Variants in NLGN4X observed in about 807,000 individuals in gnomAD.
The protein encoded by NLGN4X is neuroligin 4 X-linked, also known as neuroligin-4, X-linked.
NLGN4X carries 3 observed loss-of-function variants against 40.3 expected under a neutral mutation model. That is an observed-to-expected ratio of 0.07 (90% CI 0.03 to 0.19). NLGN4X has a LOEUF of 0.19. Ranked by LOEUF, NLGN4X falls within the 10% of genes least tolerant of loss-of-function variation. NLGN4X has a pLI of 1.00. For missense variants in NLGN4X, 382 were observed against 708.3 expected, an observed-to-expected ratio of 0.54 and a Z score of 5.23; for synonymous variants, 270 against 306.8, an observed-to-expected ratio of 0.88 and a Z score of 1.25.
intron 1 of NLGN4X, among the ~76,000 whole-genome samples, chrX:6,172,454 A>G (rs1354115964): frequency 2.7e-5 from 3 of 111,928 alleles, no homozygotes. Context: ...TCTCTCTCTC[A>G]TTAAAGTTTT....
intron 2 of NLGN4X, among the ~76,000 whole-genome samples, chrX:6,109,908 G>A (rs941328592): frequency 6.3e-5 from 7 of 111,110 alleles, no homozygotes; most frequent in Non-Finnish European, 1.3e-4. Context: ...GGGCTCAAAG[G>A]GAGGGTTTCA....
intron 3 of NLGN4X, among the ~76,000 whole-genome samples, chrX:6,001,607 T>C (rs181125092): frequency 1.2e-3 from 132 of 111,407 alleles, no homozygotes; most frequent in African/African-American, 4.0e-3. Flanking sequence ...AATTTTTCAA[T>C]TTCAAAACAA....
At chrX:6,100,950 G>T (rs2038894932) in intron 2 of NLGN4X, among the ~76,000 whole-genome samples, 1 of 110,933 alleles carries the variant, frequency 9.0e-6, no homozygotes, top group Admixed American at 9.6e-5. Flanking sequence ...CTTTATACTT[G>T]AGGCAGACTA....
chrX:6,156,236 G>A (rs770390378), intron 1 of NLGN4X, among the ~76,000 whole-genome samples: 36 of 112,241 alleles, frequency 3.2e-4, no homozygotes, highest in African/African-American at 9.4e-4. Context: ...ATCAGCCGGC[G>A]CGGTGGCTCA....
chrX:6,172,653 C>CT (rs1178580622), intron 1 of NLGN4X, among the ~76,000 whole-genome samples: 1 of 111,439 alleles, frequency 9.0e-6, no homozygotes, highest in Non-Finnish European at 1.9e-5. Context: ...CCAGATGATT[C>CT]TTTTTTCAAT....
At chrX:6,081,747 C>T (rs1408274450) in intron 2 of NLGN4X, among the ~76,000 whole-genome samples, 2 of 112,426 alleles carry the variant, frequency 1.8e-5, no homozygotes, top group Non-Finnish European at 3.8e-5. Flanking sequence ...TCTTGATTTC[C>T]ACTTCTTAGA....
chrX:5,898,118 TC>T (rs2031617803), intron 5 of NLGN4X, among the ~76,000 whole-genome samples: 3 of 35,989 alleles, frequency 8.3e-5, no homozygotes, highest in Non-Finnish European at 1.1e-4. Context: ...CTCTCTTCCC[TC>T]TTTTCTCTCT....
chrX:6,186,343 T>C (rs1383300392), intron 1 of NLGN4X, among the ~76,000 whole-genome samples: 1 of 112,355 alleles, frequency 8.9e-6, no homozygotes, highest in Non-Finnish European at 1.9e-5. Flanking sequence ...CCACCACCCA[T>C]AGGCCATAGT....
intron 1 of NLGN4X, among the ~76,000 whole-genome samples, chrX:6,193,848 A>G (rs948346016): frequency 1.8e-5 from 2 of 112,221 alleles, no homozygotes; most frequent in Admixed American, 1.9e-4. Flanking sequence ...AACTCACTGT[A>G]TTTCTCCATT....
At chrX:6,120,365 T>G (rs1245131119) in intron 2 of NLGN4X, among the ~76,000 whole-genome samples, 2 of 111,793 alleles carry the variant, frequency 1.8e-5, no homozygotes, top group Admixed American at 1.9e-4. Flanking sequence ...AAAATTTCTT[T>G]GTTGAATTAA....
At chrX:5,967,028 G>T (rs1416303519) in intron 3 of NLGN4X, among the ~76,000 whole-genome samples, 1 of 111,639 alleles carries the variant, frequency 9.0e-6, no homozygotes, top group Non-Finnish European at 1.9e-5. Flanking sequence ...CAGTAGGTGG[G>T]GTGGGAGCAA....
At chrX:5,933,550 G>GA (rs2033630709) in intron 3 of NLGN4X, among the ~76,000 whole-genome samples, 1 of 111,556 alleles carries the variant, frequency 9.0e-6, no homozygotes, top group Non-Finnish European at 1.9e-5. Flanking sequence ...AAACAACTGG[G>GA]AAAAATAAAC....
intron 2 of NLGN4X, among the ~76,000 whole-genome samples, chrX:6,138,293 A>T (rs962861853): frequency 8.9e-6 from 1 of 111,816 alleles, no homozygotes; most frequent in African/African-American, 3.2e-5. Flanking sequence ...GATGCATGAG[A>T]ATAGATGCTT....
intron 2 of NLGN4X, among the ~76,000 whole-genome samples, chrX:6,069,131 T>A (rs777909009): frequency 9.1e-6 from 1 of 110,421 alleles, no homozygotes; most frequent in South Asian, 3.9e-4. Context: ...TTACTAAAAA[T>A]ACAAAAGTTA....
intron 2 of NLGN4X, among the ~76,000 whole-genome samples, chrX:6,081,876 G>A (rs776328935): frequency 6.2e-5 from 7 of 112,166 alleles, no homozygotes; most frequent in African/African-American, 9.7e-5. Context: ...TCTGGAGGCG[G>A]TGCTGCCAAT....
At chrX:5,938,257 T>C (rs5961892) in intron 3 of NLGN4X, among the ~76,000 whole-genome samples, 5,048 of 111,061 alleles carry the variant, frequency 0.045, 303 homozygotes, top group African/African-American at 0.16. Context: ...TGTGGTATGG[T>C]TAGATCACTA....
At chrX:6,112,165 G>A (rs2039162869) in intron 2 of NLGN4X, among the ~76,000 whole-genome samples, 1 of 111,383 alleles carries the variant, frequency 9.0e-6, no homozygotes, top group South Asian at 3.8e-4. Flanking sequence ...TGCAGAGGGG[G>A]GACAAGGACT....
intron 1 of NLGN4X, among the ~76,000 whole-genome samples, chrX:6,196,897 T>G (rs1432005972): frequency 8.9e-6 from 1 of 111,877 alleles, no homozygotes; most frequent in Non-Finnish European, 1.9e-5. Context: ...TTTGCTGTTG[T>G]TGGAAATCCC....
intron 1 of NLGN4X, among the ~76,000 whole-genome samples, chrX:6,192,985 C>T (rs1333591442): frequency 1.8e-5 from 2 of 111,777 alleles, no homozygotes; most frequent in Admixed American, 9.4e-5. Context: ...GAACAACTGC[C>T]GGAGCCCACA....
Sources: gnomAD v4.1 joint callset for allele counts (sites outside exome capture counted in the v4.1 genomes callset) on GRCh38, gnomAD v4.1.1 for gene constraint, MANE v1.5 for transcripts, NCBI Gene and HGNC (gene_info 2026-07-23, HGNC 2026-07-21) for gene names.